ARHGEF12: variants seen among roughly 807,000 people sequenced by gnomAD.
The protein encoded by ARHGEF12 is Rho guanine nucleotide exchange factor 12, also known as KMT2A/ARHGEF12 fusion protein.
ARHGEF12 carries 66 observed loss-of-function variants against 211.2 expected under a neutral mutation model. The observed-to-expected ratio is 0.31, with a 90% CI of 0.26 to 0.38. ARHGEF12 has a LOEUF of 0.38. ARHGEF12 is among the 10% of genes least tolerant of loss of function. The pLI is 1.00. For synonymous variants in ARHGEF12, 592 were observed against 638.4 expected, an observed-to-expected ratio of 0.93 and a Z score of 1.09; for missense variants, 1,429 against 1,869.5, an observed-to-expected ratio of 0.76 and a Z score of 4.34.
chr11:120,399,321 CAAAAAAA>C (rs71050743), intron 1 of ARHGEF12, among the ~76,000 whole-genome samples: 111 of 36,500 alleles, frequency 3.0e-3, no homozygotes, highest in East Asian at 0.013. Context: ...ACATTGTCTC[CAAAAAAA>C]AAAAAAAAAA....
intron 1 of ARHGEF12, among the ~76,000 whole-genome samples, chr11:120,356,867 A>G (rs902600751): frequency 6.6e-6 from 1 of 152,140 alleles, no homozygotes; most frequent in African/African-American, 2.4e-5. Flanking sequence ...AGGTACTGTA[A>G]TGTTTCCTAC....
At position 120,441,831 on chromosome 11, in the gene ARHGEF12, C is replaced by T. The variant is rs1046390616; in HGVS notation, c.1203+14C>T. On this transcript the variant is annotated intron_variant, in intron 14 of 40. Coordinates refer to ENST00000397843, the MANE Select transcript of ARHGEF12 (RefSeq NM_015313.3). The stretch of plus-strand genomic sequence containing the variant: ...CCTGCGACTTTGGTAATATATTTTA[C>T]AATCTAGCAGATTCAGAGTTCTTCT... The T allele has an allele frequency of 1.9e-6, 3 of 1,605,414 alleles. No homozygotes were observed. The South Asian group carries it at 3.3e-5, about 18-fold the overall frequency.
At chr11:120,351,397 T>G in intron 1 of ARHGEF12, among the ~76,000 whole-genome samples, 3 of 111,748 alleles carry the variant, frequency 2.7e-5, no homozygotes, top group Non-Finnish European at 5.4e-5. Context: ...ATACTTGGGA[T>G]GTAGGAAAGG....
intron 22 of ARHGEF12, among the ~76,000 whole-genome samples, chr11:120,453,373 G>A (rs972837796): frequency 6.6e-6 from 1 of 152,150 alleles, no homozygotes; most frequent in Non-Finnish European, 1.5e-5. Context: ...AAGGGAATGT[G>A]TTATCAGGAA....
rs1555109035 is a variant in ARHGEF12 at position 120,421,455 on chromosome 11, T to TTTG, written c.299-348_299-347insTTG. Among the ~76,000 whole-genome samples, 67 of 99,950 alleles carry TTTG rather than the reference T, an allele frequency of 6.7e-4. 4 individuals are homozygous for TTTG. Among genetic ancestry groups the TTTG allele is most frequent in the African/African-American group, 1.1e-3 (27 of 25,388 alleles). The allele number at this position is 99,950 out of a possible 152,430, so 65.6% of individuals were successfully genotyped here. On this transcript the variant is annotated intron_variant, in intron 5 of 40. Transcript: ENST00000397843. Reference sequence around the variant, plus strand: ...TTTTTTTTTTTTGTTTTTTTTTTTTTGGAGATGGAGTCTCCCTCTGTCACC... The same window carrying TTTG: ...TTTTTTTTTTTTGTTTTTTTTTTTTTTTGGGAGATGGAGTCTCCCTCTGTCACC...
intron 11 of ARHGEF12, among the ~76,000 whole-genome samples, chr11:120,433,263 G>A (rs932251385): frequency 1.3e-5 from 2 of 152,302 alleles, no homozygotes; most frequent in African/African-American, 4.8e-5. Flanking sequence ...GTTTGAAAAT[G>A]CGTAACATTT....
At position 120,345,055 on chromosome 11, in the gene ARHGEF12, T is replaced by G. The variant is rs187748569; in HGVS notation, c.32+7780T>G. On this transcript the variant is annotated intron_variant, in intron 1 of 40. Transcript: ENST00000397843. ...CTGGTTAAGGCATATTTACCAAACT[T>G]AACACCTAGCAAGCTTGTCCAACCT... 2.4e-3 allele frequency among the ~76,000 whole-genome samples: 363 copies of G among 152,354 alleles called. 5 individuals carry two copies. The highest frequency in any genetic ancestry group is 2.4e-4 in the Non-Finnish European group (16 of 68,040).
chr11:120,439,931 C>G (rs779937412), intron 12 of ARHGEF12, 198 bp from the exon 13 acceptor site: 1 of 500,316 alleles, frequency 2.0e-6, no homozygotes, highest in Non-Finnish European at 3.5e-6. Flanking sequence ...TTGTTGTGGT[C>G]TTTTTCTCTG....
At chr11:120,402,056 A>G (rs2135550833) in intron 1 of ARHGEF12, among the ~76,000 whole-genome samples, 1 of 152,310 alleles carries the variant, frequency 6.6e-6, no homozygotes, top group African/African-American at 2.4e-5. Flanking sequence ...TAGATGTATT[A>G]GTAATTATGT....
chr11:120,471,309 A>G (rs138481426), intron 30 of ARHGEF12, among the ~76,000 whole-genome samples: 5 of 152,312 alleles, frequency 3.3e-5, no homozygotes, highest in African/African-American at 7.2e-5. Flanking sequence ...GGCACACAAC[A>G]TGGATGAATC....
chr11:120,480,574 T>C (rs1295554187), intron 38 of ARHGEF12, 144 bp downstream of exon 38: 2 of 846,440 alleles, frequency 2.4e-6, no homozygotes, highest in Non-Finnish European at 3.6e-6. Flanking sequence ...CTTCATTTGA[T>C]AAATACTGAA....
intron 15 of ARHGEF12, 62 bp from the exon 16 acceptor site, chr11:120,445,360 A>G (rs1230521108): frequency 1.3e-6 from 2 of 1,540,196 alleles, no homozygotes; most frequent in Non-Finnish European, 1.8e-6. Context: ...TTACAGAAGT[A>G]CTTATGTACA....
intron 1 of ARHGEF12, 166 bp from the exon 2 acceptor site, chr11:120,405,951 TA>T (rs1944690945): frequency 1.8e-6 from 1 of 551,702 alleles, no homozygotes; most frequent in East Asian, 3.4e-5. Context: ...TTAAGATACT[TA>T]AACATGGTGT....
chr11:120,389,441 G>GAT (rs1172114455), intron 1 of ARHGEF12, among the ~76,000 whole-genome samples: 2 of 152,092 alleles, frequency 1.3e-5, no homozygotes, highest in Non-Finnish European at 2.9e-5. Context: ...TTAGGTCTGT[G>GAT]ATACATTTTC....
chr11:120,360,843 A>G (rs905521004), intron 1 of ARHGEF12, among the ~76,000 whole-genome samples: 1 of 152,262 alleles, frequency 6.6e-6, no homozygotes, highest in Admixed American at 6.5e-5. Flanking sequence ...AGTGGAATGT[A>G]GCAATGCATC....
At chr11:120,351,607 A>T (rs1942975132) in intron 1 of ARHGEF12, among the ~76,000 whole-genome samples, 1 of 149,776 alleles carries the variant, frequency 6.7e-6, no homozygotes, top group Admixed American at 6.7e-5. Context: ...ATTAGCTGGG[A>T]TTATAGGCAC....
At chr11:120,445,882 A>G (rs369571581) in intron 16 of ARHGEF12, among the ~76,000 whole-genome samples, 7 of 149,172 alleles carry the variant, frequency 4.7e-5, no homozygotes, top group East Asian at 2.0e-4. Context: ...CTGGGTGATA[A>G]GAGCAAAACT....
chr11:120,445,610 T>A, intron 16 of ARHGEF12, 146 bp downstream of exon 16: 1 of 897,580 alleles, frequency 1.1e-6, no homozygotes, highest in Non-Finnish European at 1.8e-6. Context: ...ATTTAAAGAG[T>A]AAATGAGGCC....
intron 7 of ARHGEF12, among the ~76,000 whole-genome samples, chr11:120,426,702 A>C (rs1348259540): frequency 1.3e-5 from 2 of 152,212 alleles, no homozygotes; most frequent in Non-Finnish European, 2.9e-5. Flanking sequence ...TATACATAGC[A>C]AAACTAGTTT....
Sources: allele counts gnomAD v4.1 joint callset (sites outside exome capture counted in the v4.1 genomes callset), GRCh38; gene constraint gnomAD v4.1.1; transcripts MANE v1.5; gene names NCBI Gene and HGNC (gene_info 2026-07-23, HGNC 2026-07-21).